NAA15: variants seen among roughly 807,000 people sequenced by gnomAD.
The protein encoded by NAA15 is N-alpha-acetyltransferase 15, NatA auxiliary subunit.
Under a neutral mutation model 114.0 loss-of-function variants are expected in NAA15, and 34 were observed. The ratio of observed to expected loss-of-function variants is 0.30; its 90% CI spans 0.23 to 0.40. NAA15 has a LOEUF of 0.40. Among genes scored for constraint, NAA15 ranks in the 10% least tolerant of loss-of-function variants. The pLI, the probability that NAA15 is intolerant of heterozygous loss-of-function variation, is 1.00. For synonymous variants in NAA15, 340 were observed against 338.0 expected (o/e 1.01, Z -0.06); for missense variants, 658 against 1,004.5 (o/e 0.66, Z 4.66).
At chr4:139,379,605 G>C (rs1748684615) in intron 17 of NAA15, among the ~76,000 whole-genome samples, 1 of 152,106 alleles carries the variant, frequency 6.6e-6, no homozygotes, top group Non-Finnish European at 1.5e-5. Context: ...GTGACTGGTG[G>C]GGGAGAAATA....
intron 9 of NAA15, among the ~76,000 whole-genome samples, 187 bp from the exon 10 acceptor site, chr4:139,353,839 A>T (rs1438844530): frequency 6.6e-6 from 1 of 152,206 alleles, no homozygotes; most frequent in Non-Finnish European, 1.5e-5. Context: ...TTACATCTTA[A>T]TGTACACCTG....
chr4:139,380,065 G>A (rs114763138), intron 17 of NAA15, among the ~76,000 whole-genome samples: 85 of 152,208 alleles, frequency 5.6e-4, no homozygotes, highest in African/African-American at 2.0e-3. Flanking sequence ...CAACAACATC[G>A]TTTTGACTTT....
chr4:139,331,684 C>T (rs1292057248), intron 1 of NAA15, among the ~76,000 whole-genome samples: 2 of 147,598 alleles, frequency 1.4e-5, no homozygotes, highest in African/African-American at 2.5e-5. Flanking sequence ...AGGCTGGTCT[C>T]GAACTCTTGA....
chr4:139,351,907 T>C, intron 9 of NAA15, among the ~76,000 whole-genome samples: 1 of 152,102 alleles, frequency 6.6e-6, no homozygotes, highest in Non-Finnish European at 1.5e-5. Context: ...TTTTCTTTCA[T>C]CTTGTTCATG....
At position 139,384,998 on chromosome 4, in the gene NAA15, C is replaced by T. The variant is rs1748855058; in HGVS notation, c.2302+20C>T. The T allele has an allele frequency of 6.8e-7, 1 of 1,479,600 alleles. No individual in the cohort carries two copies. Among genetic ancestry groups the T allele is most frequent in the Non-Finnish European group, 9.0e-7 (1 of 1,113,540 alleles). The allele number at this position is 1,479,600 out of a possible 1,614,324, so 91.7% of individuals were successfully genotyped here. A position where few individuals can be genotyped will look rare whatever the true frequency, so the allele number is the denominator to read the frequency against. ...TATCAGGTAATCACTTTATTTTATC[C>T]TTAGCCTTCTAAAACAACTTCAGTA... On this transcript the variant is annotated intron_variant, in intron 18 of 19. Coordinates refer to ENST00000296543, the MANE Select transcript of NAA15 (RefSeq NM_057175.5).
chr4:139,312,848 G>A (rs1288296755), intron 1 of NAA15, among the ~76,000 whole-genome samples: 1 of 151,196 alleles, frequency 6.6e-6, no homozygotes. Flanking sequence ...CTTGTCTGGG[G>A]GGGAAAAAAA....
chr4:139,362,923 A>G (rs1748175561), intron 14 of NAA15, among the ~76,000 whole-genome samples: 1 of 152,110 alleles, frequency 6.6e-6, no homozygotes, highest in South Asian at 2.1e-4. Flanking sequence ...TTCTTTTTTG[A>G]GGATATGATT....
chr4:139,380,329 A>C (rs889712603), intron 17 of NAA15, among the ~76,000 whole-genome samples: 3 of 152,062 alleles, frequency 2.0e-5, no homozygotes, highest in African/African-American at 7.2e-5. Flanking sequence ...TAATAGTTTT[A>C]ATTTATTCTC....
chr4:139,357,239 A>G (rs949012715), intron 10 of NAA15, 147 bp from the exon 11 acceptor site: 8 of 677,588 alleles, frequency 1.2e-5, no homozygotes, highest in Middle Eastern at 3.2e-4. Context: ...CAAAGATCTT[A>G]TAAACTTAGG....
At chr4:139,308,265 G>A (rs1746094008) in intron 1 of NAA15, among the ~76,000 whole-genome samples, 1 of 151,996 alleles carries the variant, frequency 6.6e-6, no homozygotes, top group Admixed American at 6.6e-5. Context: ...CCGGCCCATT[G>A]TATAATAGGT....
chr4:139,329,944 TTA>T (rs1445599505), intron 1 of NAA15, among the ~76,000 whole-genome samples: 1 of 152,200 alleles, frequency 6.6e-6, no homozygotes, highest in Non-Finnish European at 1.5e-5. Context: ...AGTGGTGGCA[TTA>T]CTAGAGCTCA....
chr4:139,368,999 A>C (rs1469962795), intron 14 of NAA15, among the ~76,000 whole-genome samples: 1 of 152,232 alleles, frequency 6.6e-6, no homozygotes, highest in Non-Finnish European at 1.5e-5. Context: ...TTTCAATATT[A>C]AATTTTTAAT....
At chr4:139,357,653 T>G in intron 11 of NAA15, 98 bp downstream of exon 11, 1 of 793,336 alleles carries the variant, frequency 1.3e-6, no homozygotes, top group South Asian at 1.9e-5. Flanking sequence ...AAAGTGACAT[T>G]TGATAACTCA....
At chr4:139,339,136 G>A (rs938425828) in intron 3 of NAA15, among the ~76,000 whole-genome samples, 2 of 152,262 alleles carry the variant, frequency 1.3e-5, no homozygotes, top group East Asian at 1.9e-4. Flanking sequence ...CTTGATCTCA[G>A]AAAGAAACGT....
At chr4:139,373,034 C>A (rs1748486682) in intron 15 of NAA15, among the ~76,000 whole-genome samples, 1 of 151,964 alleles carries the variant, frequency 6.6e-6, no homozygotes, top group South Asian at 2.1e-4. Context: ...CTACGGGTGC[C>A]CACCACCACG....
chr4:139,324,117 A>G (rs1338307204), intron 1 of NAA15, among the ~76,000 whole-genome samples: 1 of 152,116 alleles, frequency 6.6e-6, no homozygotes, highest in Non-Finnish European at 1.5e-5. Flanking sequence ...CTCCTGCTCA[A>G]GCAATCTGCC....
At chr4:139,361,587 G>T in intron 13 of NAA15, 137 bp from the exon 14 acceptor site, 1 of 586,470 alleles carries the variant, frequency 1.7e-6, no homozygotes, top group Non-Finnish European at 2.9e-6. Context: ...TATTCCTGTT[G>T]AATAATTGTA....
rs188744696 is a variant in NAA15, at chr4:139,363,598, A to G, written c.1753+1661A>G. Among the ~76,000 whole-genome samples the G allele has an allele frequency of 2.9e-3, 443 of 152,330 alleles. 1 individual carries two copies. The highest frequency in any genetic ancestry group is 4.8e-3 in the Non-Finnish European group (324 of 68,024). On this transcript the variant is annotated intron_variant, in intron 14 of 19. Coordinates refer to ENST00000296543, the MANE Select transcript of NAA15 (RefSeq NM_057175.5). ...TCACTGTTAACATTTTAGTGACTGTAGGAATCTATGTGAATTTTTTCACCA... is the reference window on the plus strand; with the variant it reads ...TCACTGTTAACATTTTAGTGACTGTGGGAATCTATGTGAATTTTTTCACCA...
At chr4:139,352,833 A>G (rs973687773) in intron 9 of NAA15, among the ~76,000 whole-genome samples, 10 of 151,570 alleles carry the variant, frequency 6.6e-5, no homozygotes, top group African/African-American at 2.2e-4. Flanking sequence ...ATACCAGGCT[A>G]ATTTTTGTAT....
Sources: allele counts gnomAD v4.1 joint callset (sites outside exome capture counted in the v4.1 genomes callset), GRCh38; gene constraint gnomAD v4.1.1; transcripts MANE v1.5; gene names NCBI Gene and HGNC (gene_info 2026-07-23, HGNC 2026-07-21).